The following LCORL variants were observed in gnomAD, a reference collection of about 807,000 sequenced individuals.
LCORL encodes ligand dependent nuclear receptor corepressor like.
Under a neutral mutation model 141.8 loss-of-function variants are expected in LCORL, and 41 were observed. That is an observed-to-expected ratio of 0.29 (90% confidence interval 0.23 to 0.38). LCORL has a LOEUF of 0.38. Ranked by LOEUF, LCORL falls within the 10% of genes least tolerant of loss-of-function variation. The probability of loss-of-function intolerance (pLI) is 1.00; values close to 1 mark genes in which losing one functional copy is unlikely to be tolerated. For synonymous variants in LCORL, 618 were observed against 694.1 expected (o/e 0.89, Z 1.72); for missense variants, 1,759 against 2,035.0 (o/e 0.86, Z 2.61).
At chr4:17,858,652 A>C (rs1424258139) in intron 7 of LCORL, among the ~76,000 whole-genome samples, 5 of 151,644 alleles carry the variant, frequency 3.3e-5, no homozygotes, top group Admixed American at 3.3e-4. Context: ...TGCTTGAACC[A>C]GGGAGGTGGA....
At chr4:17,909,103 T>A in exon 5 of LCORL, 2 of 1,595,824 alleles carry the variant, frequency 1.3e-6, no homozygotes, top group Non-Finnish European at 1.7e-6. Context: ...CCTTGCTGAG[T>A]ATTTTGTTCT....
chr4:17,848,889 G>A (rs1437597572), intron 7 of LCORL, among the ~76,000 whole-genome samples: 1 of 152,232 alleles, frequency 6.6e-6, no homozygotes, highest in Admixed American at 6.5e-5. Flanking sequence ...TCCCACACCT[G>A]GCTCGGAGGG....
intron 4 of LCORL, among the ~76,000 whole-genome samples, chr4:17,910,593 A>G (rs1405929659): frequency 6.6e-6 from 1 of 152,212 alleles, no homozygotes; most frequent in Non-Finnish European, 1.5e-5. Context: ...AGACTTAAAG[A>G]GAAGTCTTCC....
intron 4 of LCORL, chr4:17,912,526 G>T: frequency 2.1e-6 from 1 of 483,050 alleles, no homozygotes. Flanking sequence ...AGATTGAGGA[G>T]AGCACCACAG....
exon 7 of LCORL, chr4:17,874,984 G>A (rs1726760342): frequency 8.1e-7 from 1 of 1,233,714 alleles, no homozygotes; most frequent in South Asian, 4.1e-5. Flanking sequence ...TGCAGAGATG[G>A]TTTTCTATCC....
Position 18,021,505 on chromosome 4 carries a change from G to A in LCORL, c.154+93C>T, listed in dbSNP as rs1725579489. ...CTCCCCCACCGAACTAACCCGAACGGGAGATTCAACTAAACCCCTCAGCCA... is the reference window on the plus strand; with the variant it reads ...CTCCCCCACCGAACTAACCCGAACGAGAGATTCAACTAAACCCCTCAGCCA... On this transcript the variant is annotated intron_variant, in intron 1 of 7. Transcript: ENST00000635767. The surrounding 1 kb of genome is among the most constrained non-coding windows in gnomAD (Gnocchi z 5.5). 2 of 1,124,152 alleles carry A rather than the reference G, an allele frequency of 1.8e-6. No homozygotes were observed. The highest frequency in any genetic ancestry group is 1.2e-6 in the Non-Finnish European group (1 of 820,200). The allele number at this position is 1,124,152 out of a possible 1,614,324, so 69.6% of individuals were successfully genotyped here.
intron 1 of LCORL, among the ~76,000 whole-genome samples, chr4:17,998,721 G>T (rs1721303592): frequency 6.6e-6 from 1 of 151,536 alleles, no homozygotes; most frequent in Admixed American, 6.6e-5. Context: ...AATCCCAGAA[G>T]TTTGAGGCTA....
chr4:17,976,636 C>G (rs552079041), intron 1 of LCORL, among the ~76,000 whole-genome samples: 1 of 152,194 alleles, frequency 6.6e-6, no homozygotes, highest in South Asian at 2.1e-4. Flanking sequence ...CTCACAATGT[C>G]ACTTTTTTGT....
intron 5 of LCORL, among the ~76,000 whole-genome samples, chr4:17,890,996 T>C (rs1228273921): frequency 2.0e-5 from 3 of 152,154 alleles, no homozygotes; most frequent in African/African-American, 7.2e-5. Context: ...TCATCTCTTA[T>C]CTGGCCTTTT....
chr4:17,888,211 A>G (rs767863059), intron 5 of LCORL, among the ~76,000 whole-genome samples: 1 of 152,142 alleles, frequency 6.6e-6, no homozygotes, highest in Non-Finnish European at 1.5e-5. Context: ...AATTTCAAAG[A>G]ACTGGAAAAA....
At chr4:17,977,112 A>G (rs1334730194) in intron 1 of LCORL, among the ~76,000 whole-genome samples, 1 of 152,126 alleles carries the variant, frequency 6.6e-6, no homozygotes, top group Non-Finnish European at 1.5e-5. Context: ...TTTTCACTCA[A>G]TAGAATAATT....
chr4:17,860,108 C>T (rs919710039), intron 7 of LCORL, among the ~76,000 whole-genome samples: 9 of 152,110 alleles, frequency 5.9e-5, no homozygotes, highest in African/African-American at 2.2e-4. Flanking sequence ...ATCAGACTGC[C>T]AATGACATTC....
intron 1 of LCORL, among the ~76,000 whole-genome samples, chr4:17,983,329 G>T: frequency 6.6e-6 from 1 of 152,270 alleles, no homozygotes; most frequent in East Asian, 1.9e-4. Context: ...GATAGAAATA[G>T]CAGTGAATCT....
At chr4:17,952,846 G>A (rs776919238) in intron 4 of LCORL, among the ~76,000 whole-genome samples, 10 of 152,078 alleles carry the variant, frequency 6.6e-5, no homozygotes, top group African/African-American at 1.4e-4. Context: ...CATAATACCC[G>A]ATAGTTATTT....
intron 1 of LCORL, among the ~76,000 whole-genome samples, chr4:17,977,089 T>C (rs1420604852): frequency 1.3e-5 from 2 of 152,178 alleles, no homozygotes; most frequent in African/African-American, 4.8e-5. Context: ...CTCTCTTTTG[T>C]GGGGGCTGGT....
intron 1 of LCORL, among the ~76,000 whole-genome samples, chr4:17,999,842 C>A (rs1721632258): frequency 6.6e-6 from 1 of 152,102 alleles, no homozygotes; most frequent in Non-Finnish European, 1.5e-5. Flanking sequence ...TGTCTTTTGG[C>A]AATTTTCAAC....
Position 17,884,655 on chromosome 4 carries a change from G to C in LCORL, c.776+1413C>G, listed in dbSNP as rs1728048569. The C allele has an allele frequency of 6.5e-7, 1 of 1,544,298 alleles. No homozygotes were observed. Among genetic ancestry groups the C allele is most frequent in the Non-Finnish European group, 8.7e-7 (1 of 1,144,552 alleles). ...AGTATGCCTGCTTTATTTATGTCCA[G>C]TGCTCCAGACTGAATGTCTTTCAAA... On this transcript the variant is annotated intron_variant, in intron 6 of 7. Transcript: ENST00000635767. This position sits in a 1 kb window ranked among gnomAD's most constrained non-coding sequence, Gnocchi z 4.4.
chr4:17,909,267 A>G, exon 5 of LCORL: 1 of 1,612,800 alleles, frequency 6.2e-7, no homozygotes, highest in Non-Finnish European at 8.5e-7. Context: ...AATGTACTCA[A>G]TCGCAAATTG....
intron 4 of LCORL, among the ~76,000 whole-genome samples, chr4:17,959,698 A>G (rs1232341564): frequency 6.6e-6 from 1 of 152,104 alleles, no homozygotes; most frequent in Non-Finnish European, 1.5e-5. Flanking sequence ...TTTTAGCAAG[A>G]TGATCAACAT....
Sources: allele counts gnomAD v4.1 joint callset (sites outside exome capture counted in the v4.1 genomes callset), GRCh38; gene constraint gnomAD v4.1.1; non-coding constraint Gnocchi (gnomAD v3.1); transcripts MANE v1.5; gene names NCBI Gene and HGNC (gene_info 2026-07-23, HGNC 2026-07-21).